SULT6B1: variants seen among roughly 807,000 people sequenced by gnomAD.
The protein encoded by SULT6B1 is sulfotransferase family 6B member 1, also known as sulfotransferase 6B1.
A neutral mutation model predicts 37.2 loss-of-function variants in SULT6B1; 44 were observed. The ratio of observed to expected loss-of-function variants is 1.18; its 90% CI spans 0.93 to 1.52. The LOEUF is 1.52. SULT6B1 is among the 40% of genes most tolerant of loss of function. The pLI, the probability that SULT6B1 is intolerant of heterozygous loss-of-function variation, is 0.00. For synonymous variants in SULT6B1, 140 were observed against 126.0 expected, an observed-to-expected ratio of 1.11 and a Z score of -0.74; for missense variants, 450 against 361.0, an observed-to-expected ratio of 1.25 and a Z score of -2.00.
chr2:37,179,311 A>G (rs1676498597), intron 4 of SULT6B1, 147 bp downstream of exon 4: 2 of 987,644 alleles, frequency 2.0e-6, no homozygotes, highest in Admixed American at 5.0e-5. Context: ...CACAGAACTA[A>G]TGGTGCTATG....
At chr2:37,190,490 C>G (rs187949199), upstream of SULT6B1, among the ~76,000 whole-genome samples, 16 of 152,264 alleles carry the variant, frequency 1.1e-4, no homozygotes, top group Admixed American at 8.5e-4. Flanking sequence ...ATTACAGGAA[C>G]GATCTGATGT....
intron 1 of SULT6B1, among the ~76,000 whole-genome samples, chr2:37,194,989 G>A (rs1218271652): frequency 2.0e-5 from 3 of 147,616 alleles, no homozygotes; most frequent in Non-Finnish European, 4.5e-5. Context: ...TTACTCTGTC[G>A]CCCAGGCTGG....
chr2:37,183,593 G>T, intron 2 of SULT6B1, 79 bp from the exon 3 acceptor site: 1 of 1,068,454 alleles, frequency 9.4e-7, no homozygotes, highest in Non-Finnish European at 1.4e-6. Context: ...CCTAGGTTTG[G>T]TATCTAAGTG....
rs761878225 is a variant in SULT6B1, at chr2:37,195,571, G to A, written c.-22+945C>T. Among the ~76,000 whole-genome samples, 7 of 152,170 alleles carry A rather than the reference G, an allele frequency of 4.6e-5. No homozygotes were observed. In the East Asian group the frequency reaches 5.8e-4, roughly 13 times the overall value. ...TACAGATTCCTCGGATTAGAAGCAA[G>A]GCCCTTATCATTGTGTACTTTCCAT... On this transcript the variant is annotated intron_variant, in intron 1 of 7. Transcript: ENST00000407963.
intron 3 of SULT6B1, among the ~76,000 whole-genome samples, chr2:37,179,973 A>T (rs765741265): frequency 2.0e-5 from 3 of 152,222 alleles, no homozygotes; most frequent in African/African-American, 7.2e-5. Context: ...AGTTGGTAGG[A>T]GAAGATTAAA....
At chr2:37,176,760 C>T (rs1295960631) in intron 4 of SULT6B1, among the ~76,000 whole-genome samples, 1 of 152,100 alleles carries the variant, frequency 6.6e-6, no homozygotes, top group Non-Finnish European at 1.5e-5. Context: ...CTGATCATGA[C>T]AATTCTGTTT....
At position 37,183,468 on chromosome 2, in the gene SULT6B1, T is replaced by C; in HGVS notation, c.359A>G (p.His120Arg). The C allele has an allele frequency of 6.2e-7, 1 of 1,614,184 alleles. No individual in the cohort carries two copies. ...GATAGACCCAGGTAATTTGTCATAG[T>C]GGAGGTGAGTTGCCAAAATCCTTGG... ...PSPRILATHL[H>R]YDKLPGSIFE... Residue 120 changes from histidine to arginine, a missense_variant, in exon 3 of 7, where the codon CAC becomes CGC. By Grantham distance (29) the His-to-Arg change is conservative (BLOSUM62 0). Transcript: ENST00000535679.
chr2:37,179,788 T>C (rs980887133), intron 3 of SULT6B1, among the ~76,000 whole-genome samples: 2 of 152,072 alleles, frequency 1.3e-5, no homozygotes, highest in African/African-American at 4.8e-5. Context: ...AGAAAAAGAT[T>C]GATATTGTTG....
intron 4 of SULT6B1, among the ~76,000 whole-genome samples, chr2:37,179,081 C>T (rs1045897080): frequency 7.2e-5 from 11 of 152,298 alleles, no homozygotes; most frequent in Admixed American, 5.9e-4. Flanking sequence ...GCTTCAGCTT[C>T]CCGAGTAGCT....
At chr2:37,188,776 C>G (rs1297579240), upstream of SULT6B1, 2 of 493,146 alleles carry the variant, frequency 4.1e-6, no homozygotes, top group East Asian at 7.4e-5. Context: ...TCATCCACCC[C>G]TCCCTCACTA....
At chr2:37,194,063 T>A (rs1676840743) in intron 1 of SULT6B1, among the ~76,000 whole-genome samples, 1 of 152,220 alleles carries the variant, frequency 6.6e-6, no homozygotes, top group South Asian at 2.1e-4. Flanking sequence ...TACAATTATT[T>A]TAGTCTTTCT....
At chr2:37,189,725 A>C (rs567438471), upstream of SULT6B1, among the ~76,000 whole-genome samples, 2 of 152,236 alleles carry the variant, frequency 1.3e-5, no homozygotes, top group African/African-American at 4.8e-5. Flanking sequence ...TCTCCCTGGA[A>C]CATTTCCTAG....
intron 1 of SULT6B1, among the ~76,000 whole-genome samples, chr2:37,187,823 G>C (rs1306919348): frequency 6.6e-6 from 1 of 151,926 alleles, no homozygotes; most frequent in African/African-American, 2.4e-5. Flanking sequence ...TTTTCTACAG[G>C]AATCTATAAT....
At chr2:37,190,607 T>C (rs1294758673), upstream of SULT6B1, among the ~76,000 whole-genome samples, 7 of 152,066 alleles carry the variant, frequency 4.6e-5, no homozygotes, top group Non-Finnish European at 1.0e-4. Flanking sequence ...GAGGTGAGGG[T>C]TGGCGGGAGG....
chr2:37,173,400 T>TCC (rs1676347266), intron 5 of SULT6B1, among the ~76,000 whole-genome samples: 1 of 152,184 alleles, frequency 6.6e-6, no homozygotes, highest in South Asian at 2.1e-4. Context: ...TACGTATATA[T>TCC]TTCCATGGCT....
In SULT6B1 at chr2:37,188,506, G is replaced by C. The variant is rs1461509410; in HGVS notation, c.135C>G (p.Phe45Leu). Residue 45 changes from phenylalanine to leucine, a missense_variant, in exon 1 of 7, where the codon TTC becomes TTG. Physicochemically the swap from Phe to Leu is conservative, Grantham distance 22 (BLOSUM62 0). Coordinates refer to ENST00000535679, the MANE Select transcript of SULT6B1 (RefSeq NM_001367551.1). ...TGGCTTCGAAGGTGTCCAGCGCTTG[G>C]AAAGTTTCTGAGGTGCACATGGTGA... is the stretch of plus-strand genomic sequence containing the variant. ...YPITMCTSET[F>L]QALDTFEARH... The C allele has an allele frequency of 2.5e-6, 4 of 1,614,214 alleles. No individual in the cohort carries two copies. The highest frequency in any genetic ancestry group is 2.2e-5 in the South Asian group (2 of 91,082).
chr2:37,171,711 TTTAAAC>T (rs1676307688), intron 5 of SULT6B1, 121 bp from the exon 6 acceptor site: 1 of 825,266 alleles, frequency 1.2e-6, no homozygotes, highest in Non-Finnish European at 1.9e-6. Context: ...CATCCCCCAC[TTTAAAC>T]TTAGAGTACT....
intron 5 of SULT6B1, 23 bp downstream of exon 5, chr2:37,175,109 T>C: frequency 6.8e-7 from 1 of 1,463,712 alleles, no homozygotes; most frequent in Non-Finnish European, 9.2e-7. Context: ...AATTTTGCTC[T>C]AAAATATCAA....
intron 2 of SULT6B1, among the ~76,000 whole-genome samples, 183 bp from the exon 3 acceptor site, chr2:37,183,697 G>A (rs769923737): frequency 1.3e-5 from 2 of 152,152 alleles, no homozygotes; most frequent in Non-Finnish European, 2.9e-5. Context: ...AGGCTGTAGT[G>A]TTGTGGCGCG....
Sources: gnomAD v4.1 joint callset for allele counts (sites outside exome capture counted in the v4.1 genomes callset) on GRCh38, gnomAD v4.1.1 for gene constraint, MANE v1.5 for transcripts, NCBI Gene and HGNC (gene_info 2026-07-23, HGNC 2026-07-21) for gene names.